The following MAGI1 variants were observed in gnomAD, a reference collection of about 807,000 sequenced individuals.
MAGI1 encodes membrane associated guanylate kinase, WW and PDZ domain containing 1, also known as membrane-associated guanylate kinase, WW and PDZ domain-containing protein 1.
MAGI1 carries 58 observed loss-of-function variants against 139.9 expected under a neutral mutation model. That is an observed-to-expected ratio of 0.41 (90% CI 0.34 to 0.52). The LOEUF (loss-of-function observed/expected upper bound fraction) is 0.52. Ranked by LOEUF, MAGI1 falls within the 20% of genes least tolerant of loss-of-function variation. MAGI1 has a pLI of 0.12. For synonymous variants in MAGI1, 812 were observed against 737.9 expected (o/e 1.10, Z -1.63); for missense variants, 1,874 against 1,901.6 (o/e 0.99, Z 0.27).
rs1468140250 is a variant in MAGI1, at chr3:65,582,708, C to T, written c.430+39264G>A. ...CTTGAACTTTACACCAAGGCCACTA[C>T]GACCCCAAAGCCTCATGGAAGTCAC... On this transcript the variant is annotated intron_variant, in intron 2 of 22. Transcript: ENST00000402939. Among the ~76,000 whole-genome samples, 4 of 152,144 alleles carry T rather than the reference C, an allele frequency of 2.6e-5. No homozygotes were observed. The East Asian group carries it at 5.8e-4, about 22-fold the overall frequency.
chr3:65,399,108 T>C (rs1944649194), intron 13 of MAGI1, among the ~76,000 whole-genome samples: 1 of 152,036 alleles, frequency 6.6e-6, no homozygotes. Context: ...AACACAATGG[T>C]CCTGAGCTAA....
At chr3:65,425,540 A>G (rs1040127122) in intron 12 of MAGI1, among the ~76,000 whole-genome samples, 3 of 152,224 alleles carry the variant, frequency 2.0e-5, no homozygotes, top group African/African-American at 7.2e-5. Flanking sequence ...TTAAAAAAAT[A>G]AGTGTCAGGG....
intron 5 of MAGI1, among the ~76,000 whole-genome samples, chr3:65,458,082 A>T (rs1342669539): frequency 6.6e-6 from 1 of 152,162 alleles, no homozygotes; most frequent in African/African-American, 2.4e-5. Flanking sequence ...TATTTCACTT[A>T]ACATAATGAC....
At chr3:65,439,812 G>T in intron 9 of MAGI1, 67 bp downstream of exon 9, 3 of 1,599,640 alleles carry the variant, frequency 1.9e-6, no homozygotes, top group South Asian at 2.2e-5. Flanking sequence ...CCACACGAGG[G>T]TGTCAGCGCT....
rs372391167 is a variant in MAGI1, at chr3:65,936,688, C to A, written c.313+101308G>T. 1.3e-4 allele frequency among the ~76,000 whole-genome samples: 20 copies of A among 151,962 alleles called. No individual in the cohort carries two copies. The East Asian group carries it at 1.9e-3, about 15-fold the overall frequency. The stretch of plus-strand genomic sequence containing the variant: ...GTTAGTTATAGAAGAGGGCAATCTC[C>A]AAAGTACCTTACACCTTCAAAGTCT... On this transcript the variant is annotated intron_variant, in intron 1 of 22. Coordinates refer to ENST00000402939, the MANE Select transcript of MAGI1 (RefSeq NM_001033057.2).
intron 1 of MAGI1, among the ~76,000 whole-genome samples, chr3:65,924,107 A>G (rs2062375699): frequency 1.3e-5 from 2 of 152,228 alleles, no homozygotes; most frequent in Admixed American, 1.3e-4. Context: ...CCATCTGTAA[A>G]AAATGCCATT....
chr3:65,366,661 G>A (rs1941444165), intron 18 of MAGI1, among the ~76,000 whole-genome samples: 1 of 152,104 alleles, frequency 6.6e-6, no homozygotes. Context: ...AATTCTCAGT[G>A]CCTCAGTTTT....
intron 2 of MAGI1, among the ~76,000 whole-genome samples, chr3:65,580,210 C>T (rs2081354305): frequency 6.6e-6 from 1 of 152,182 alleles, no homozygotes; most frequent in Admixed American, 6.5e-5. Context: ...ACTGTTAGCA[C>T]TTTCCAGAAT....
chr3:65,523,883 G>A (rs2078270743), intron 2 of MAGI1, among the ~76,000 whole-genome samples: 1 of 152,162 alleles, frequency 6.6e-6, no homozygotes. Flanking sequence ...AAGCCTGAGA[G>A]TGCACGCTAC....
At chr3:65,791,489 C>A (rs977496488) in intron 1 of MAGI1, among the ~76,000 whole-genome samples, 1 of 151,820 alleles carries the variant, frequency 6.6e-6, no homozygotes, top group Non-Finnish European at 1.5e-5. Flanking sequence ...AAGAAGGCTA[C>A]AAATGAGAAT....
intron 1 of MAGI1, among the ~76,000 whole-genome samples, chr3:65,683,489 A>AG (rs1266462895): frequency 6.6e-6 from 1 of 151,112 alleles, no homozygotes; most frequent in Non-Finnish European, 1.5e-5. Flanking sequence ...AAAAAAGAAA[A>AG]GAAAAAAAAG....
chr3:65,814,699 C>G (rs1271876251), intron 1 of MAGI1, among the ~76,000 whole-genome samples: 1 of 152,124 alleles, frequency 6.6e-6, no homozygotes, highest in Non-Finnish European at 1.5e-5. Context: ...ATAGAATGCT[C>G]AGAGCATCAC....
At chr3:65,502,053 A>C (rs2077102445) in intron 2 of MAGI1, among the ~76,000 whole-genome samples, 1 of 152,194 alleles carries the variant, frequency 6.6e-6, no homozygotes, top group African/African-American at 2.4e-5. Flanking sequence ...GTAATTAGGG[A>C]AAGGAGGAGG....
intron 2 of MAGI1, among the ~76,000 whole-genome samples, chr3:65,606,351 AT>A (rs1431248728): frequency 6.6e-6 from 1 of 151,766 alleles, no homozygotes; most frequent in African/African-American, 2.4e-5. Context: ...TTATTTATTT[AT>A]TTTTTTGAGA....
chr3:65,800,905 G>A (rs1223856897), intron 1 of MAGI1, among the ~76,000 whole-genome samples: 2 of 152,122 alleles, frequency 1.3e-5, no homozygotes, highest in Non-Finnish European at 2.9e-5. Flanking sequence ...GCCATTAAAA[G>A]TAATAGTAAA....
intron 2 of MAGI1, among the ~76,000 whole-genome samples, chr3:65,502,396 A>ATAAG (rs72273844): frequency 3.8e-4 from 13 of 34,112 alleles, no homozygotes; most frequent in African/African-American, 1.2e-3. Flanking sequence ...TCTGCTTAGC[A>ATAAG]TAAGGATTTG....
chr3:65,841,147 T>C (rs2058788854), intron 1 of MAGI1, among the ~76,000 whole-genome samples: 2 of 152,172 alleles, frequency 1.3e-5, no homozygotes, highest in Admixed American at 1.3e-4. Context: ...TTTTATTTTT[T>C]ATATTAATAA....
chr3:65,712,696 G>C (rs2031649205), intron 1 of MAGI1, among the ~76,000 whole-genome samples: 1 of 152,004 alleles, frequency 6.6e-6, no homozygotes, highest in South Asian at 2.1e-4. Context: ...ATTTTTAGTA[G>C]AGACGAGGTT....
intron 12 of MAGI1, among the ~76,000 whole-genome samples, chr3:65,407,956 G>A (rs999113109): frequency 6.6e-6 from 1 of 152,110 alleles, no homozygotes; most frequent in African/African-American, 2.4e-5. Context: ...TTCTACTCAA[G>A]TGTTTATGCT....
Sources: gnomAD v4.1 joint callset for allele counts (sites outside exome capture counted in the v4.1 genomes callset) on GRCh38, gnomAD v4.1.1 for gene constraint, MANE v1.5 for transcripts, NCBI Gene and HGNC (gene_info 2026-07-23, HGNC 2026-07-21) for gene names.